The following RAD51B variants were observed in gnomAD, a reference collection of about 807,000 sequenced individuals.
RAD51B encodes DNA repair protein RAD51 homolog 2.
A neutral mutation model predicts 42.2 loss-of-function variants in RAD51B; 38 were observed. The observed-to-expected ratio is 0.90, with a 90% confidence interval of 0.70 to 1.18. The LOEUF (loss-of-function observed/expected upper bound fraction) is 1.18, where lower values mean the gene tolerates loss of function less well. Among genes scored for constraint, RAD51B ranks in the 50% most tolerant of loss-of-function variants. The pLI is 0.00. For missense variants in RAD51B, 373 were observed against 400.7 expected (o/e 0.93, Z 0.59); for synonymous variants, 154 against 145.2 (o/e 1.06, Z -0.43).
intron 8 of RAD51B, among the ~76,000 whole-genome samples, chr14:68,343,829 C>T (rs1490676078): frequency 6.6e-6 from 1 of 152,266 alleles, no homozygotes; most frequent in Non-Finnish European, 1.5e-5. Flanking sequence ...GCTTCAGCTC[C>T]ATCTCCAGCT....
At chr14:68,573,784 T>G (rs776060294) in intron 10 of RAD51B, among the ~76,000 whole-genome samples, 1 of 152,210 alleles carries the variant, frequency 6.6e-6, no homozygotes, top group Non-Finnish European at 1.5e-5. Flanking sequence ...AACCTATATC[T>G]GTTCCTGGGC....
chr14:68,029,256 C>T lies in RAD51B; in HGVS notation c.756+142052C>T, dbSNP rs572438875. ...AAATTTTGGTCTCTCTTGTGGGGAG[C>T]AGTGCTTCTTGGCTTCATCTAGTCA... On this transcript the variant is annotated intron_variant, in intron 7 of 10. Transcript: ENST00000471583. 7.2e-4 allele frequency among the ~76,000 whole-genome samples: 110 copies of T among 152,332 alleles called. No homozygotes were observed. The Middle Eastern group carries it at 0.02, about 28-fold the overall frequency.
chr14:68,046,009 G>A (rs535904356), intron 7 of RAD51B, among the ~76,000 whole-genome samples: 46 of 152,256 alleles, frequency 3.0e-4, no homozygotes, highest in South Asian at 2.1e-4. Flanking sequence ...TGCTGCCACG[G>A]CCCTGGCTCC....
chr14:68,094,900 T>A (rs1271827012), intron 7 of RAD51B, among the ~76,000 whole-genome samples: 1 of 152,242 alleles, frequency 6.6e-6, no homozygotes, highest in African/African-American at 2.4e-5. Flanking sequence ...TCTTAGCTTT[T>A]AAAGTATTTT....
intron 9 of RAD51B, chr14:68,421,870 C>A: frequency 6.3e-7 from 1 of 1,596,130 alleles, no homozygotes; most frequent in African/African-American, 1.3e-5. Flanking sequence ...AACTGGGAAC[C>A]ATTTGTGTTG....
intron 7 of RAD51B, among the ~76,000 whole-genome samples, chr14:68,258,455 A>C (rs1169821005): frequency 1.3e-5 from 2 of 151,970 alleles, no homozygotes; most frequent in Non-Finnish European, 2.9e-5. Context: ...ACACACACAC[A>C]CACAATTTGA....
intron 7 of RAD51B, among the ~76,000 whole-genome samples, chr14:68,063,729 C>T (rs922091568): frequency 6.6e-6 from 1 of 152,230 alleles, no homozygotes; most frequent in African/African-American, 2.4e-5. Context: ...AATGAGACTC[C>T]ATCTCAAAAA....
intron 9 of RAD51B, among the ~76,000 whole-genome samples, chr14:68,437,343 C>T (rs1420517902): frequency 1.3e-5 from 2 of 152,118 alleles, no homozygotes; most frequent in Non-Finnish European, 2.9e-5. Flanking sequence ...CAACCTTGCA[C>T]CTCAGAAATG....
chr14:68,157,270 T>C (rs1046866728), intron 7 of RAD51B, among the ~76,000 whole-genome samples: 1 of 152,162 alleles, frequency 6.6e-6, no homozygotes, highest in African/African-American at 2.4e-5. Context: ...CATATTAACT[T>C]ACACCCATAA....
At chr14:68,074,076 G>A (rs564889428) in intron 7 of RAD51B, among the ~76,000 whole-genome samples, 2 of 152,132 alleles carry the variant, frequency 1.3e-5, no homozygotes, top group African/African-American at 4.8e-5. Context: ...AACCTCTCTA[G>A]TGAGGTTGGG....
intron 5 of RAD51B, among the ~76,000 whole-genome samples, chr14:67,866,953 T>C (rs984358397): frequency 2.0e-5 from 3 of 152,180 alleles, no homozygotes; most frequent in Non-Finnish European, 4.4e-5. Flanking sequence ...TGAAGGTCAT[T>C]TGAGAATAGG....
intron 7 of RAD51B, among the ~76,000 whole-genome samples, chr14:68,219,623 C>T (rs901565233): frequency 9.2e-5 from 14 of 152,110 alleles, no homozygotes; most frequent in Admixed American, 7.9e-4. Context: ...CTCAGGAAGC[C>T]GCATTCCTGA....
At chr14:68,473,941 T>C (rs1002810377) in intron 10 of RAD51B, among the ~76,000 whole-genome samples, 3 of 152,254 alleles carry the variant, frequency 2.0e-5, no homozygotes, top group Non-Finnish European at 4.4e-5. Context: ...AAATGATTTA[T>C]TGTACACGAT....
chr14:68,273,709 G>A (rs563489453), intron 7 of RAD51B, among the ~76,000 whole-genome samples: 1 of 152,090 alleles, frequency 6.6e-6, no homozygotes, highest in East Asian at 1.9e-4. Flanking sequence ...TCTTAGAGAT[G>A]TGCTCTCACT....
At chr14:68,679,206 A>C (rs1358735272) in intron 11 of RAD51B, among the ~76,000 whole-genome samples, 1 of 152,166 alleles carries the variant, frequency 6.6e-6, no homozygotes, top group Non-Finnish European at 1.5e-5. Context: ...CCTTAAACTA[A>C]CCCTCACTGC....
At chr14:68,651,659 G>A (rs988619815) in intron 11 of RAD51B, among the ~76,000 whole-genome samples, 1 of 152,222 alleles carries the variant, frequency 6.6e-6, no homozygotes, top group Non-Finnish European at 1.5e-5. Flanking sequence ...CTATTTGGAC[G>A]AAGCAAACGG....
chr14:68,542,844 T>C (rs935943707), intron 10 of RAD51B, among the ~76,000 whole-genome samples: 3 of 152,214 alleles, frequency 2.0e-5, no homozygotes, highest in Non-Finnish European at 2.9e-5. Flanking sequence ...GGTCCTTCTC[T>C]GTCCAAACTC....
chr14:68,192,451 A>G (rs756714929), intron 7 of RAD51B, among the ~76,000 whole-genome samples: 9 of 152,236 alleles, frequency 5.9e-5, no homozygotes, highest in African/African-American at 9.6e-5. Flanking sequence ...TGAAAGATCA[A>G]ATTATAATCT....
chr14:68,234,318 AT>A (rs1451100931), intron 7 of RAD51B, among the ~76,000 whole-genome samples: 2 of 152,272 alleles, frequency 1.3e-5, no homozygotes, highest in African/African-American at 4.8e-5. Flanking sequence ...GAGAAGAGAC[AT>A]TCAGGTGGAG....
Sources: allele counts gnomAD v4.1 joint callset (sites outside exome capture counted in the v4.1 genomes callset), GRCh38; gene constraint gnomAD v4.1.1; transcripts MANE v1.5; gene names NCBI Gene and HGNC (gene_info 2026-07-23, HGNC 2026-07-21).